CABCOCO1: variants seen among roughly 807,000 people sequenced by gnomAD.
The protein encoded by CABCOCO1 is ciliary associated calcium binding coiled-coil 1.
In CABCOCO1, 28 loss-of-function variants were observed where a neutral mutation model predicts 35.7. That is an observed-to-expected ratio of 0.78 (90% CI 0.58 to 1.07). CABCOCO1 has a LOEUF of 1.07. Ranked by LOEUF, CABCOCO1 falls within the 50% of genes least tolerant of loss-of-function variation. The pLI, the probability that CABCOCO1 is intolerant of heterozygous loss-of-function variation, is 0.00. For missense variants in CABCOCO1, 326 were observed against 309.2 expected (o/e 1.05, Z -0.41); for synonymous variants, 95 against 100.1 (o/e 0.95, Z 0.30).
intron 3 of CABCOCO1, among the ~76,000 whole-genome samples, chr10:61,683,225 T>C (rs1839852786): frequency 6.6e-6 from 1 of 152,136 alleles, no homozygotes; most frequent in Admixed American, 6.5e-5. Context: ...AACAGCACTA[T>C]AATTTTGAAA....
chr10:61,761,028 A>G, intron 7 of CABCOCO1, 25 bp downstream of exon 7: 1 of 1,608,248 alleles, frequency 6.2e-7, no homozygotes, highest in Admixed American at 1.7e-5. Flanking sequence ...TAGTATGCTC[A>G]CTTACTTTAT....
chr10:61,753,973 A>C (rs1164251311), intron 5 of CABCOCO1, among the ~76,000 whole-genome samples: 1 of 152,202 alleles, frequency 6.6e-6, no homozygotes, highest in Non-Finnish European at 1.5e-5. Context: ...AGCATGGACC[A>C]GCATCCTCAA....
intron 5 of CABCOCO1, among the ~76,000 whole-genome samples, chr10:61,759,713 T>C (rs574600719): frequency 1.3e-5 from 2 of 151,958 alleles, no homozygotes; most frequent in Non-Finnish European, 2.9e-5. Context: ...CTAGAGAAGA[T>C]ACACAGAGCA....
At chr10:61,707,346 GC>G (rs1368495835) in intron 5 of CABCOCO1, among the ~76,000 whole-genome samples, 2 of 152,156 alleles carry the variant, frequency 1.3e-5, no homozygotes, top group East Asian at 3.9e-4. Context: ...TGCTAGGCTT[GC>G]CATACAGTCA....
chr10:61,680,309 TC>T (rs1839670845), intron 2 of CABCOCO1, among the ~76,000 whole-genome samples: 1 of 129,456 alleles, frequency 7.7e-6, no homozygotes. Flanking sequence ...AGGCCCTGTC[TC>T]AAAAAAAATA....
chr10:61,720,872 T>C (rs1431126377), intron 5 of CABCOCO1, among the ~76,000 whole-genome samples: 1 of 151,546 alleles, frequency 6.6e-6, no homozygotes, highest in African/African-American at 2.4e-5. Context: ...TGTTAGATTG[T>C]ATTGCTGGTC....
chr10:61,688,349 C>A (rs1840028148), intron 4 of CABCOCO1, among the ~76,000 whole-genome samples: 1 of 152,102 alleles, frequency 6.6e-6, no homozygotes, highest in Non-Finnish European at 1.5e-5. Flanking sequence ...TAGAACATGA[C>A]CCATACCACA....
chr10:61,663,364 G>A (rs545637631), intron 1 of CABCOCO1, among the ~76,000 whole-genome samples: 1 of 151,278 alleles, frequency 6.6e-6, no homozygotes, highest in Non-Finnish European at 1.5e-5. Context: ...TTGTTTTTTG[G>A]TTTTTCATGT....
intron 5 of CABCOCO1, among the ~76,000 whole-genome samples, chr10:61,755,216 G>A (rs375113741): frequency 1.3e-5 from 2 of 152,094 alleles, no homozygotes; most frequent in South Asian, 2.1e-4. Context: ...CATTACTAGA[G>A]TTTATTGCAT....
intron 5 of CABCOCO1, among the ~76,000 whole-genome samples, chr10:61,744,042 C>T (rs1378109085): frequency 6.6e-6 from 1 of 152,166 alleles, no homozygotes; most frequent in Non-Finnish European, 1.5e-5. Flanking sequence ...GTCTCTGAAT[C>T]TCCATGACCT....
intron 5 of CABCOCO1, among the ~76,000 whole-genome samples, chr10:61,738,250 C>CA (rs1247210937): frequency 1.3e-5 from 2 of 152,028 alleles, no homozygotes; most frequent in African/African-American, 2.4e-5. Flanking sequence ...TCTACTCTCC[C>CA]AAAAGAGACA....
intron 5 of CABCOCO1, among the ~76,000 whole-genome samples, chr10:61,705,680 T>C (rs1034573757): frequency 2.0e-5 from 3 of 152,194 alleles, no homozygotes; most frequent in Non-Finnish European, 2.9e-5. Flanking sequence ...TGTGAGTTAG[T>C]TATCTTTGTG....
chr10:61,763,673 A>G (rs1842053129), intron 7 of CABCOCO1, among the ~76,000 whole-genome samples: 1 of 152,014 alleles, frequency 6.6e-6, no homozygotes, highest in Admixed American at 6.6e-5. Flanking sequence ...GAAGTTTGCC[A>G]TCTTGGGACC....
At chr10:61,717,415 AAT>A (rs1479893745) in intron 5 of CABCOCO1, among the ~76,000 whole-genome samples, 1 of 152,072 alleles carries the variant, frequency 6.6e-6, no homozygotes, top group African/African-American at 2.4e-5. Context: ...CTTCATTTTT[AAT>A]ATAATATTAA....
At chr10:61,681,962 G>A (rs559957910) in intron 3 of CABCOCO1, among the ~76,000 whole-genome samples, 29 of 152,234 alleles carry the variant, frequency 1.9e-4, no homozygotes, top group African/African-American at 7.0e-4. Context: ...AGATTTCTTC[G>A]TACGTATTTT....
At chr10:61,682,889 C>CTTTTTTTTTTTTT (rs71018993) in intron 3 of CABCOCO1, among the ~76,000 whole-genome samples, 3 of 128,194 alleles carry the variant, frequency 2.3e-5, no homozygotes, top group Non-Finnish European at 4.8e-5. Flanking sequence ...ACATGAATTT[C>CTTTTTTTTTTTTT]TTTTTTTTTT....
intron 5 of CABCOCO1, among the ~76,000 whole-genome samples, chr10:61,709,650 AT>A (rs1053606774): frequency 6.6e-6 from 1 of 151,074 alleles, no homozygotes; most frequent in Admixed American, 6.7e-5. Flanking sequence ...TTTTAAAGTC[AT>A]TTAAATCGCT....
chr10:61,671,990 T>G (rs1448358290), intron 1 of CABCOCO1, among the ~76,000 whole-genome samples: 1 of 152,224 alleles, frequency 6.6e-6, no homozygotes, highest in Admixed American at 6.5e-5. Flanking sequence ...CAATGCTAAC[T>G]TCCACCTAAG....
Position 61,765,770 on chromosome 10 carries a change from A to C in CABCOCO1, c.817-169A>C, listed in dbSNP as rs1211309752. On this transcript the variant is annotated intron_variant, in intron 7 of 7. Coordinates refer to ENST00000648843, the MANE Select transcript of CABCOCO1 (RefSeq NM_001366906.2). ...TGGAAATGTGCAGAGAAATATGATA[A>C]AGTGTTATCACATCACTACAGGCTG... 3.3e-5 allele frequency among the ~76,000 whole-genome samples: 5 copies of C among 152,370 alleles called. No homozygotes were observed. In the East Asian group the frequency reaches 7.7e-4, roughly 23 times the overall value.
Sources: allele counts gnomAD v4.1 joint callset (sites outside exome capture counted in the v4.1 genomes callset), GRCh38; gene constraint gnomAD v4.1.1; transcripts MANE v1.5; gene names NCBI Gene and HGNC (gene_info 2026-07-23, HGNC 2026-07-21).